NEK11: variants seen among roughly 807,000 people sequenced by gnomAD.
The protein encoded by NEK11 is serine/threonine-protein kinase Nek11.
NEK11 carries 72 observed loss-of-function variants against 80.7 expected under a neutral mutation model. That is an observed-to-expected ratio of 0.89 (90% confidence interval 0.74 to 1.08). The LOEUF (loss-of-function observed/expected upper bound fraction) is 1.08, where lower values mean the gene tolerates loss of function less well. Among genes scored for constraint, NEK11 ranks in the 50% least tolerant of loss-of-function variants. The probability of loss-of-function intolerance (pLI) is 0.00; values close to 1 mark genes in which losing one functional copy is unlikely to be tolerated. For missense variants in NEK11, 764 were observed against 763.6 expected (o/e 1.00, Z -0.01); for synonymous variants, 251 against 260.7 (o/e 0.96, Z 0.36).
At chr3:131,222,852 CCTGATGCTCACACAAGT>C (rs2095067327) in intron 14 of NEK11, among the ~76,000 whole-genome samples, 1 of 152,136 alleles carries the variant, frequency 6.6e-6, no homozygotes, top group East Asian at 1.9e-4. Context: ...CACAGGTGAT[CCTGATGCTCACACAAGT>C]CTTAGAGAAA....
At chr3:131,206,339 G>C (rs1445969918) in intron 14 of NEK11, among the ~76,000 whole-genome samples, 2 of 152,192 alleles carry the variant, frequency 1.3e-5, no homozygotes, top group Non-Finnish European at 2.9e-5. Flanking sequence ...GTAAGATATA[G>C]TAGTTGCAAG....
intron 14 of NEK11, among the ~76,000 whole-genome samples, chr3:131,201,724 A>AT (rs36116470): frequency 4.6e-5 from 7 of 151,156 alleles, no homozygotes; most frequent in Non-Finnish European, 8.9e-5. Context: ...CCCTCCAGTC[A>AT]TTTTTTTTTT....
At position 131,296,103 on chromosome 3, in the gene NEK11, A is replaced by C. The variant is rs576196287; in HGVS notation, c.1718+22529A>C. Among the ~76,000 whole-genome samples, 6 of 152,182 alleles carry C rather than the reference A, an allele frequency of 3.9e-5. No individual in the cohort carries two copies. The East Asian group carries it at 9.7e-4, about 25-fold the overall frequency. ...CCATTCACCTGCGTTGGCCTCCCAA[A>C]TTGCTGGGATTACAGGCATGAGCCA... On this transcript the variant is annotated intron_variant, in intron 17 of 17. Transcript: ENST00000383366.
At chr3:131,324,415 A>ATTCT (rs1561542172) in intron 17 of NEK11, among the ~76,000 whole-genome samples, 1 of 152,234 alleles carries the variant, frequency 6.6e-6, no homozygotes, top group Non-Finnish European at 1.5e-5. Context: ...GCTCTGAGAA[A>ATTCT]TTCTTCCAAC....
chr3:131,117,050 A>C (rs147419669), intron 5 of NEK11, among the ~76,000 whole-genome samples: 27 of 152,174 alleles, frequency 1.8e-4, no homozygotes, highest in South Asian at 8.3e-4. Context: ...AAGTCCTTGC[A>C]CATGCCTATG....
chr3:131,232,106 C>G (rs918842012), intron 15 of NEK11, among the ~76,000 whole-genome samples: 13 of 152,108 alleles, frequency 8.5e-5, no homozygotes, highest in Non-Finnish European at 1.9e-4. Flanking sequence ...GTGATAAGCA[C>G]AGCATCAATA....
intron 16 of NEK11, among the ~76,000 whole-genome samples, chr3:131,246,298 C>T (rs2095601701): frequency 6.6e-6 from 1 of 152,080 alleles, no homozygotes; most frequent in African/African-American, 2.4e-5. Context: ...ATGTATCATT[C>T]TTATGCCTTT....
At chr3:131,030,972 G>A (rs1013782797) in intron 3 of NEK11, among the ~76,000 whole-genome samples, 1 of 152,150 alleles carries the variant, frequency 6.6e-6, no homozygotes, top group Non-Finnish European at 1.5e-5. Flanking sequence ...AACCCCAGAA[G>A]ACCACATTTT....
chr3:131,154,382 T>A (rs915487091), intron 9 of NEK11, among the ~76,000 whole-genome samples: 1 of 152,046 alleles, frequency 6.6e-6, no homozygotes, highest in Non-Finnish European at 1.5e-5. Flanking sequence ...ACACTAAAAT[T>A]CATAATCAAG....
At chr3:131,090,783 G>A (rs2076612998) in intron 4 of NEK11, among the ~76,000 whole-genome samples, 1 of 151,902 alleles carries the variant, frequency 6.6e-6, no homozygotes, top group Non-Finnish European at 1.5e-5. Context: ...TGTGTTTTTT[G>A]AGATTGGGGT....
chr3:131,305,235 G>A (rs1011549406), intron 17 of NEK11, among the ~76,000 whole-genome samples: 2 of 152,218 alleles, frequency 1.3e-5, no homozygotes, highest in Non-Finnish European at 1.5e-5. Flanking sequence ...TGGTGAGTGC[G>A]TGCTAACAAA....
chr3:131,104,957 T>A (rs2078964123), intron 4 of NEK11, among the ~76,000 whole-genome samples: 1 of 152,176 alleles, frequency 6.6e-6, no homozygotes. Context: ...CAATCCTGGG[T>A]GGGCAGCTGT....
At chr3:131,295,020 T>G (rs1424677337) in intron 17 of NEK11, among the ~76,000 whole-genome samples, 1 of 152,040 alleles carries the variant, frequency 6.6e-6, no homozygotes, top group Non-Finnish European at 1.5e-5. Flanking sequence ...TTTTTTGTTT[T>G]TTGATCCACC....
chr3:131,103,577 AGAGGT>A (rs1361020834), intron 4 of NEK11, among the ~76,000 whole-genome samples: 1 of 152,168 alleles, frequency 6.6e-6, no homozygotes, highest in Non-Finnish European at 1.5e-5. Flanking sequence ...CAGTGGCAAG[AGAGGT>A]GACCCCTTCA....
intron 17 of NEK11, among the ~76,000 whole-genome samples, chr3:131,319,549 T>C (rs2096877071): frequency 6.6e-6 from 1 of 152,150 alleles, no homozygotes; most frequent in Non-Finnish European, 1.5e-5. Flanking sequence ...ATTCAAATAC[T>C]CTCCCACCTT....
intron 4 of NEK11, among the ~76,000 whole-genome samples, chr3:131,094,629 T>A (rs557426566): frequency 2.0e-5 from 3 of 152,328 alleles, no homozygotes; most frequent in Non-Finnish European, 2.9e-5. Flanking sequence ...GCAAACACAT[T>A]TCATGATAAC....
In NEK11 at chr3:131,080,438, A is replaced by C; in HGVS notation, c.186A>C (p.Glu62Asp). Residue 62 changes from glutamate (E) to aspartate (D), a missense_variant, in exon 4 of 18, where the codon GAA (glutamate) becomes GAC (aspartate). Glu to Asp is a conservative substitution (Grantham distance 45). Coordinates refer to ENST00000383366, the MANE Select transcript of NEK11 (RefSeq NM_024800.5). ...KRGEELKVLK[E>D]ISVGELNPNE... ...TTGATCTCAGAAAGGTACTTAAGGA[A>C]ATATCTGTTGGAGAACTAAATCCAA... 1 of 1,600,792 alleles carries C rather than the reference A, an allele frequency of 6.2e-7. No individual in the cohort carries two copies. Among genetic ancestry groups the C allele is most frequent in the Non-Finnish European group, 8.5e-7 (1 of 1,176,854 alleles).
At chr3:131,038,182 C>T (rs558095947) in intron 3 of NEK11, among the ~76,000 whole-genome samples, 5 of 152,156 alleles carry the variant, frequency 3.3e-5, no homozygotes, top group East Asian at 1.9e-4. Flanking sequence ...TTCAGATTCT[C>T]GGAATCTTGT....
At chr3:131,334,968 C>T (rs2097157132) in intron 17 of NEK11, among the ~76,000 whole-genome samples, 4 of 152,138 alleles carry the variant, frequency 2.6e-5, no homozygotes. Flanking sequence ...GAAATTGTGG[C>T]AATAATCAAT....
Sources: allele counts gnomAD v4.1 joint callset (sites outside exome capture counted in the v4.1 genomes callset), GRCh38; gene constraint gnomAD v4.1.1; transcripts MANE v1.5; gene names NCBI Gene and HGNC (gene_info 2026-07-23, HGNC 2026-07-21).